The following BMPR1A variants were observed in gnomAD, a reference collection of about 807,000 sequenced individuals.
The protein encoded by BMPR1A is bone morphogenetic protein receptor type-1A.
BMPR1A carries 7 observed loss-of-function variants against 66.0 expected under a neutral mutation model. The observed-to-expected ratio is 0.11, with a 90% confidence interval of 0.06 to 0.20. BMPR1A has a LOEUF of 0.20. BMPR1A is among the 10% of genes least tolerant of loss of function. BMPR1A has a pLI of 1.00. For missense variants in BMPR1A, 408 were observed against 669.1 expected (o/e 0.61, Z 4.31); for synonymous variants, 200 against 229.7 (o/e 0.87, Z 1.17).
intron 1 of BMPR1A, among the ~76,000 whole-genome samples, chr10:86,795,012 T>TGTCC (rs1304325842): frequency 6.6e-5 from 10 of 151,766 alleles, no homozygotes; most frequent in Non-Finnish European, 1.0e-4. Flanking sequence ...CCACCACAAC[T>TGTCC]AGCTAATTTT....
Position 86,855,210 on chromosome 10 carries a change from A to G in BMPR1A, c.-153+16231A>G, listed in dbSNP as rs908774266. The G allele has an allele frequency of 3.8e-5, 32 of 837,800 alleles. No homozygotes were observed. In the South Asian group the frequency reaches 7.3e-4, roughly 19 times the overall value. The allele number at this position is 837,800 out of a possible 1,614,324, so 51.9% of individuals were successfully genotyped here. A position where few individuals can be genotyped will look rare whatever the true frequency, so the allele number is the denominator to read the frequency against. On this transcript the variant is annotated intron_variant, in intron 2 of 12. Coordinates refer to ENST00000372037, the MANE Select transcript of BMPR1A (RefSeq NM_004329.3). ...TGAGCCACCACACCCTGCGTCGCTAAGTTTTTTAACCAGAGAGGCTTCAGG... is the reference window on the plus strand; with the variant it reads ...TGAGCCACCACACCCTGCGTCGCTAGGTTTTTTAACCAGAGAGGCTTCAGG...
chr10:86,813,729 T>G, intron 1 of BMPR1A, among the ~76,000 whole-genome samples: 1 of 152,148 alleles, frequency 6.6e-6, no homozygotes, highest in East Asian at 1.9e-4. Flanking sequence ...TATGCGCCCT[T>G]GTATTCTGTT....
chr10:86,844,158 A>G (rs981127136), intron 2 of BMPR1A, among the ~76,000 whole-genome samples: 6 of 152,218 alleles, frequency 3.9e-5, no homozygotes, highest in Non-Finnish European at 8.8e-5. Context: ...TTTATGTGCA[A>G]CAAGTTTTTT....
intron 2 of BMPR1A, among the ~76,000 whole-genome samples, chr10:86,862,039 C>G (rs1490687322): frequency 2.6e-5 from 4 of 152,142 alleles, no homozygotes; most frequent in African/African-American, 9.7e-5. Flanking sequence ...AGGCACTGTT[C>G]CAGGTGCTAA....
intron 1 of BMPR1A, among the ~76,000 whole-genome samples, chr10:86,818,585 C>T (rs1418654098): frequency 1.3e-5 from 2 of 152,148 alleles, no homozygotes; most frequent in Non-Finnish European, 2.9e-5. Flanking sequence ...CTTGACAGGT[C>T]ATTTCCTATA....
At chr10:86,773,802 A>G (rs1841303465) in intron 1 of BMPR1A, among the ~76,000 whole-genome samples, 1 of 151,744 alleles carries the variant, frequency 6.6e-6, no homozygotes, top group African/African-American at 2.4e-5. Flanking sequence ...CTAAGCATAT[A>G]TTCTTATCAC....
intron 2 of BMPR1A, among the ~76,000 whole-genome samples, chr10:86,841,925 G>A (rs935445372): frequency 6.6e-6 from 1 of 152,200 alleles, no homozygotes; most frequent in Non-Finnish European, 1.5e-5. Flanking sequence ...CTGAACATGT[G>A]CAGGCTCTGG....
At chr10:86,856,945 C>T (rs1842649662) in intron 2 of BMPR1A, among the ~76,000 whole-genome samples, 2 of 152,148 alleles carry the variant, frequency 1.3e-5, no homozygotes, top group South Asian at 4.1e-4. Context: ...CAGGACCAGC[C>T]AAATGAGATA....
intron 1 of BMPR1A, among the ~76,000 whole-genome samples, chr10:86,830,401 G>A (rs899686556): frequency 6.6e-6 from 1 of 152,224 alleles, no homozygotes; most frequent in Non-Finnish European, 1.5e-5. Context: ...GAGCCCAGGG[G>A]TGTGCAGTTG....
At chr10:86,882,199 A>G (rs1429027744) in intron 3 of BMPR1A, among the ~76,000 whole-genome samples, 2 of 152,074 alleles carry the variant, frequency 1.3e-5, no homozygotes, top group Non-Finnish European at 2.9e-5. Context: ...GTTTCTGGCC[A>G]GGTGCAGTGG....
chr10:86,919,516 A>G (rs779016852), intron 10 of BMPR1A, 47 bp downstream of exon 10: 10 of 1,599,540 alleles, frequency 6.3e-6, no homozygotes, highest in Non-Finnish European at 7.7e-6. Flanking sequence ...TTAATTTCCA[A>G]AAGATATTTC....
In BMPR1A at chr10:86,866,399, C is replaced by CTTTTTTTTTTT. The variant is rs1048293127; in HGVS notation, c.-152-9451_-152-9441dup. Among the ~76,000 whole-genome samples the CTTTTTTTTTTT allele has an allele frequency of 1.2e-3, 80 of 69,438 alleles. 3 individuals carry two copies. Among genetic ancestry groups the CTTTTTTTTTTT allele is most frequent in the South Asian group, 1.6e-3 (3 of 1,828 alleles). 45.6% of individuals were successfully genotyped at this position (69,438 alleles called of 152,430 possible). A position where few individuals can be genotyped will look rare whatever the true frequency, so the allele number is the denominator to read the frequency against. ...TGTGTTAAGTTGGGCAAGTTTCTTT[C>CTTTTTTTTTTT]TTTTTTTTTTTTTTTTTTTTTTTTT... On this transcript the variant is annotated intron_variant, in intron 2 of 12. Coordinates refer to ENST00000372037, the MANE Select transcript of BMPR1A (RefSeq NM_004329.3).
At chr10:86,843,405 G>C (rs937140240) in intron 2 of BMPR1A, 1 of 152,118 alleles carries the variant, frequency 6.6e-6, no homozygotes. Context: ...TTATTCTACA[G>C]GATATTACTT....
chr10:86,835,557 A>AAAG (rs1842333919), intron 1 of BMPR1A, among the ~76,000 whole-genome samples: 1 of 61,216 alleles, frequency 1.6e-5, no homozygotes, highest in African/African-American at 4.9e-5. Context: ...ATCAAAAAAA[A>AAAG]AAAAAAAAAA....
chr10:86,885,858 A>G (rs1843061116), intron 3 of BMPR1A, among the ~76,000 whole-genome samples: 1 of 152,208 alleles, frequency 6.6e-6, no homozygotes. Flanking sequence ...CCAATAAATT[A>G]TTGGGAAAAT....
At chr10:86,855,322 TTAAG>T (rs796715403) in intron 2 of BMPR1A, 35 of 935,986 alleles carry the variant, frequency 3.7e-5, no homozygotes, top group African/African-American at 2.7e-4. Context: ...CTTCAAAACT[TTAAG>T]TAAGTTTCTA....
intron 2 of BMPR1A, among the ~76,000 whole-genome samples, chr10:86,861,889 A>G (rs2133237965): frequency 6.6e-6 from 1 of 152,338 alleles, no homozygotes; most frequent in South Asian, 2.1e-4. Flanking sequence ...GGGAAATGGG[A>G]TAGTTTATCC....
Position 86,826,411 on chromosome 10 carries a change from A to AACACACACACACACAC in BMPR1A, c.-267-12439_-267-12424dup, listed in dbSNP as rs34389289. On this transcript the variant is annotated intron_variant, in intron 1 of 12. Coordinates refer to ENST00000372037, the MANE Select transcript of BMPR1A (RefSeq NM_004329.3). ...ATTTGATCCAGAAACCAATCAAGGAAACACACACACACACACACACACACA... is the reference window on the plus strand; with the variant it reads ...ATTTGATCCAGAAACCAATCAAGGAAACACACACACACACACACACACACACACACACACACACACA... Among the ~76,000 whole-genome samples, 340 of 147,098 alleles carry AACACACACACACACAC rather than the reference A, an allele frequency of 2.3e-3. 1 individual carries two copies. Among genetic ancestry groups the AACACACACACACACAC allele is most frequent in the African/African-American group, 7.1e-3 (284 of 40,002 alleles).
chr10:86,874,309 T>C (rs1184041880), intron 2 of BMPR1A, among the ~76,000 whole-genome samples: 4 of 152,228 alleles, frequency 2.6e-5, no homozygotes, highest in Non-Finnish European at 5.9e-5. Flanking sequence ...GTCATCCATA[T>C]TAGAAGTTCA....
Sources: allele counts gnomAD v4.1 joint callset (sites outside exome capture counted in the v4.1 genomes callset), GRCh38; gene constraint gnomAD v4.1.1; transcripts MANE v1.5; gene names NCBI Gene and HGNC (gene_info 2026-07-23, HGNC 2026-07-21).